ARHGAP42: variants seen among roughly 807,000 people sequenced by gnomAD.
ARHGAP42 encodes the protein rho GTPase-activating protein 42.
A neutral mutation model predicts 125.0 loss-of-function variants in ARHGAP42; 63 were observed. The observed-to-expected ratio is 0.50, with a 90% CI of 0.41 to 0.62. The LOEUF (loss-of-function observed/expected upper bound fraction) is 0.62, where lower values mean the gene tolerates loss of function less well. Ranked by LOEUF, ARHGAP42 falls within the 20% of genes least tolerant of loss-of-function variation. ARHGAP42 has a pLI of 0.00. For synonymous variants in ARHGAP42, 339 were observed against 351.0 expected, an observed-to-expected ratio of 0.97 and a Z score of 0.38; for missense variants, 766 against 1,024.2, an observed-to-expected ratio of 0.75 and a Z score of 3.44.
At position 100,892,043 on chromosome 11, in the gene ARHGAP42, T is replaced by C. The variant is rs577184352; in HGVS notation, c.385-21409T>C. On this transcript the variant is annotated intron_variant, in intron 4 of 23. Transcript: ENST00000298815. Reference sequence around the variant, plus strand: ...ATTGGTATTAGTAGAGCATAAAATATGAAGTTCCAAGTGTTGGAGATGAGA... The same window carrying C: ...ATTGGTATTAGTAGAGCATAAAATACGAAGTTCCAAGTGTTGGAGATGAGA... Among the ~76,000 whole-genome samples, 41 of 152,324 alleles carry C rather than the reference T, an allele frequency of 2.7e-4. 1 individual carries two copies. The highest frequency in any genetic ancestry group is 2.1e-3 in the Admixed American group (32 of 15,298).
chr11:100,975,955 G>C, intron 19 of ARHGAP42, 102 bp from the exon 20 acceptor site: 1 of 1,321,710 alleles, frequency 7.6e-7, no homozygotes, highest in Non-Finnish European at 1.0e-6. Flanking sequence ...GGGTCAGGTG[G>C]CCGCAGAACA....
At chr11:100,870,329 C>T (rs1280304778) in intron 4 of ARHGAP42, among the ~76,000 whole-genome samples, 1 of 152,182 alleles carries the variant, frequency 6.6e-6, no homozygotes, top group Non-Finnish European at 1.5e-5. Context: ...TCCCTGTGAA[C>T]TTTGTATCTT....
chr11:100,808,055 AT>A (rs1682447866), intron 3 of ARHGAP42, among the ~76,000 whole-genome samples: 1 of 80,814 alleles, frequency 1.2e-5, no homozygotes, highest in South Asian at 5.3e-4. Context: ...GAGGCACTCA[AT>A]TTTAAAGGAC....
intron 1 of ARHGAP42, among the ~76,000 whole-genome samples, chr11:100,734,523 C>T (rs1490036493): frequency 2.0e-5 from 3 of 152,082 alleles, no homozygotes; most frequent in Admixed American, 6.5e-5. Flanking sequence ...TCAGGTGATC[C>T]GCCCTACTTG....
intron 11 of ARHGAP42, among the ~76,000 whole-genome samples, chr11:100,949,345 G>C (rs1046215712): frequency 6.6e-6 from 1 of 152,070 alleles, no homozygotes; most frequent in Non-Finnish European, 1.5e-5. Flanking sequence ...GTTATTTTAA[G>C]CCTGTTAAAT....
chr11:100,773,393 A>G (rs1008356434), intron 2 of ARHGAP42, among the ~76,000 whole-genome samples: 1 of 152,172 alleles, frequency 6.6e-6, no homozygotes, highest in Admixed American at 6.5e-5. Context: ...CTGGGTTTCC[A>G]CAGATGATAT....
At chr11:100,720,712 T>A (rs1184232088) in intron 1 of ARHGAP42, among the ~76,000 whole-genome samples, 1 of 152,124 alleles carries the variant, frequency 6.6e-6, no homozygotes, top group Non-Finnish European at 1.5e-5. Context: ...AACATTGACA[T>A]GTAATATTCA....
intron 3 of ARHGAP42, among the ~76,000 whole-genome samples, chr11:100,815,065 T>G (rs1864234718): frequency 6.6e-6 from 1 of 152,262 alleles, no homozygotes. Context: ...TACTTTTTCT[T>G]TATGGAACTT....
At chr11:100,718,740 C>T (rs1316618330) in intron 1 of ARHGAP42, among the ~76,000 whole-genome samples, 1 of 152,156 alleles carries the variant, frequency 6.6e-6, no homozygotes, top group Non-Finnish European at 1.5e-5. Context: ...ACTAATTTCT[C>T]ACATAGTAAT....
chr11:100,777,591 C>T (rs1322599452), intron 2 of ARHGAP42, among the ~76,000 whole-genome samples: 1 of 152,110 alleles, frequency 6.6e-6, no homozygotes, highest in East Asian at 1.9e-4. Flanking sequence ...GTATGGGAAA[C>T]AATTTACTTT....
In ARHGAP42 at chr11:100,961,688, T is replaced by A. The variant is rs1463821673; in HGVS notation, c.1305T>A (p.Pro435=). 5 of 1,551,374 alleles carry A rather than the reference T, an allele frequency of 3.2e-6. No homozygotes were observed. In the South Asian group the frequency reaches 6.0e-5, roughly 18 times the overall value. ...VQKLMNTTFS[P]KSPPDIDIDI... is the part of the protein sequence containing the mutation. ...ACCTTGTTTTATTCTTTCCAGCTCC[T>A]AAATCCCCTCCTGATATTGATATTG... Residue 435 remains proline (P), a synonymous_variant, in exon 15 of 24, where the codon CCT becomes CCA. Transcript: ENST00000298815.
At chr11:100,724,087 A>C (rs1402666779) in intron 1 of ARHGAP42, among the ~76,000 whole-genome samples, 1 of 151,912 alleles carries the variant, frequency 6.6e-6, no homozygotes, top group South Asian at 2.1e-4. Context: ...TGATCTTAAG[A>C]TTTTTCTTCT....
intron 3 of ARHGAP42, among the ~76,000 whole-genome samples, chr11:100,833,440 C>T (rs1315626668): frequency 6.6e-6 from 1 of 152,146 alleles, no homozygotes; most frequent in Non-Finnish European, 1.5e-5. Flanking sequence ...GCAGTTTGGG[C>T]AGGGCTCAGA....
chr11:100,827,809 A>G (rs1395407294), intron 3 of ARHGAP42, among the ~76,000 whole-genome samples: 1 of 152,228 alleles, frequency 6.6e-6, no homozygotes, highest in Admixed American at 6.5e-5. Flanking sequence ...AGTATCAAGC[A>G]AGAACTTTCC....
Position 100,921,591 on chromosome 11 carries a change from A to G in ARHGAP42, c.584A>G (p.Glu195Gly). ...IQEVQEKKKF[E>G]FVEPLLSFLQ... ...GAGGTCCAAGAAAAAAAGAAGTTTG[A>G]ATTTGTTGAACCGGTAAGTTTCAGA... Residue 195 changes from glutamate (E) to glycine (G), a missense_variant, in exon 6 of 24, where the codon GAA becomes GGA. Physicochemically the swap from Glu to Gly is moderately conservative, Grantham distance 98. Transcript: ENST00000298815. 1 of 1,537,542 alleles carries G rather than the reference A, an allele frequency of 6.5e-7. No individual in the cohort carries two copies. Among genetic ancestry groups the G allele is most frequent in the Non-Finnish European group, 8.8e-7 (1 of 1,138,420 alleles).
intron 3 of ARHGAP42, among the ~76,000 whole-genome samples, chr11:100,826,571 A>G (rs953884465): frequency 6.6e-6 from 1 of 152,222 alleles, no homozygotes; most frequent in Admixed American, 6.5e-5. Flanking sequence ...AAGTGAATTT[A>G]TCTAGACCTT....
At position 100,756,703 on chromosome 11, in the gene ARHGAP42, G is replaced by C. The variant is rs551624689; in HGVS notation, c.155-13640G>C. Among the ~76,000 whole-genome samples the C allele has an allele frequency of 2.0e-5, 3 of 152,278 alleles. No individual in the cohort carries two copies. The East Asian group carries it at 5.8e-4, about 29-fold the overall frequency. ...AATTAGAGATAACATGTCTTCCAAA[G>C]TTTGGAAAGCTCTACAGCCAGACGT... On this transcript the variant is annotated intron_variant, in intron 1 of 23. Transcript: ENST00000298815.
intron 1 of ARHGAP42, among the ~76,000 whole-genome samples, chr11:100,754,509 A>G (rs1862529135): frequency 6.6e-6 from 1 of 152,240 alleles, no homozygotes. Flanking sequence ...TGTAGAAAAT[A>G]AACTTCTGGG....
chr11:100,804,395 T>G (rs1268335097), intron 3 of ARHGAP42, among the ~76,000 whole-genome samples: 1 of 152,064 alleles, frequency 6.6e-6, no homozygotes, highest in African/African-American at 2.4e-5. Context: ...GAAGAAAAAT[T>G]TATAACCTTC....
Sources: allele counts gnomAD v4.1 joint callset (sites outside exome capture counted in the v4.1 genomes callset), GRCh38; gene constraint gnomAD v4.1.1; transcripts MANE v1.5; gene names NCBI Gene and HGNC (gene_info 2026-07-23, HGNC 2026-07-21).